The following GALNT13 variants were observed in gnomAD, a reference collection of about 807,000 sequenced individuals.
The protein encoded by GALNT13 is polypeptide N-acetylgalactosaminyltransferase 13, also known as UDP-GalNAc:polypeptide N-acetylgalactosaminyltransferase 13.
Under a neutral mutation model 64.2 loss-of-function variants are expected in GALNT13, and 28 were observed. That is an observed-to-expected ratio of 0.44 (90% confidence interval 0.32 to 0.60). GALNT13 has a LOEUF of 0.60. Among genes scored for constraint, GALNT13 ranks in the 20% least tolerant of loss-of-function variants. The probability of loss-of-function intolerance (pLI) is 0.05; values close to 1 mark genes in which losing one functional copy is unlikely to be tolerated. For missense variants in GALNT13, 577 were observed against 669.8 expected (o/e 0.86, Z 1.53); for synonymous variants, 214 against 224.6 (o/e 0.95, Z 0.42).
the GALNT13 span, among the ~76,000 whole-genome samples, chr2:153,405,394 G>A: frequency 1.3e-5 from 2 of 152,172 alleles, no homozygotes; most frequent in Admixed American, 1.3e-4. Flanking sequence ...ACAAGTGTGT[G>A]TGCCTGTGTA....
Position 154,286,902 on chromosome 2 carries a change from G to A in GALNT13, c.976-14507G>A, listed in dbSNP as rs375315504. 40 of 460,452 alleles carry A rather than the reference G, an allele frequency of 8.7e-5. 1 individual carries two copies. In the East Asian group the frequency reaches 1.2e-3, roughly 14 times the overall value. 28.5% of individuals were successfully genotyped at this position (460,452 alleles called of 1,614,324 possible). On this transcript the variant is annotated intron_variant, in intron 8 of 12. Coordinates refer to ENST00000392825, the MANE Select transcript of GALNT13 (RefSeq NM_052917.4). ...TCTGGCCTGTTGCTAGCCAGTTTGCGCACATCTTCACCAGCATCGGAGAGG... is the reference window on the plus strand; with the variant it reads ...TCTGGCCTGTTGCTAGCCAGTTTGCACACATCTTCACCAGCATCGGAGAGG...
intron 3 of GALNT13, among the ~76,000 whole-genome samples, chr2:153,984,330 T>G (rs570391091): frequency 6.6e-6 from 1 of 151,890 alleles, no homozygotes; most frequent in East Asian, 1.9e-4. Context: ...ATCTTGTACT[T>G]GTATTTGAAA....
the GALNT13 span, among the ~76,000 whole-genome samples, chr2:153,630,985 G>A: frequency 2.0e-5 from 3 of 150,248 alleles, no homozygotes; most frequent in Admixed American, 6.6e-5. Context: ...AACAGGCCCC[G>A]GTGTGCGATG....
the GALNT13 span, among the ~76,000 whole-genome samples, chr2:153,803,555 T>G: frequency 4.5e-4 from 68 of 151,574 alleles, no homozygotes; most frequent in East Asian, 1.4e-3. Flanking sequence ...AGCCGGGCGC[T>G]GTGGCGGGCG....
At chr2:153,354,230 G>A in the GALNT13 span, 1 of 152,192 alleles carries the variant, frequency 6.6e-6, no homozygotes, top group African/African-American at 2.4e-5. Flanking sequence ...TTCAGAAACA[G>A]TTTGACTATC....
At chr2:153,901,686 AT>A (rs1574076024) in intron 2 of GALNT13, among the ~76,000 whole-genome samples, 1 of 152,140 alleles carries the variant, frequency 6.6e-6, no homozygotes, top group East Asian at 1.9e-4. Flanking sequence ...GTAAATGAGT[AT>A]TTTGTGACTG....
At chr2:153,999,430 A>T (rs867941169) in intron 3 of GALNT13, among the ~76,000 whole-genome samples, 1 of 152,168 alleles carries the variant, frequency 6.6e-6, no homozygotes, top group Middle Eastern at 3.4e-3. Flanking sequence ...TTCCCTATTC[A>T]GTATGTTATT....
At chr2:154,338,161 T>C (rs1695559036) in intron 9 of GALNT13, among the ~76,000 whole-genome samples, 1 of 152,150 alleles carries the variant, frequency 6.6e-6, no homozygotes, top group African/African-American at 2.4e-5. Context: ...ACATAATATA[T>C]TTTTAACAGC....
chr2:153,959,915 A>T (rs1692825145), intron 3 of GALNT13, among the ~76,000 whole-genome samples: 1 of 152,152 alleles, frequency 6.6e-6, no homozygotes, highest in Admixed American at 6.5e-5. Flanking sequence ...GTTGGGCCCC[A>T]CACAAAGCAG....
intron 4 of GALNT13, among the ~76,000 whole-genome samples, chr2:154,180,872 T>C (rs550183092): frequency 1.3e-5 from 2 of 152,290 alleles, no homozygotes; most frequent in East Asian, 3.9e-4. Context: ...GAAAATATAG[T>C]TGACCCTTGA....
intron 2 of GALNT13, among the ~76,000 whole-genome samples, chr2:153,937,006 C>T (rs746984262): frequency 1.3e-5 from 2 of 152,066 alleles, no homozygotes; most frequent in Admixed American, 6.6e-5. Context: ...CGTGAGCAAC[C>T]GTGCCTGGCC....
At chr2:153,618,999 AGAG>A in the GALNT13 span, among the ~76,000 whole-genome samples, 1 of 151,828 alleles carries the variant, frequency 6.6e-6, no homozygotes, top group Non-Finnish European at 1.5e-5. Flanking sequence ...TTTTGATTGG[AGAG>A]TTTAGTCCAT....
chr2:153,536,953 A>G, the GALNT13 span, among the ~76,000 whole-genome samples: 1 of 152,246 alleles, frequency 6.6e-6, no homozygotes, highest in Non-Finnish European at 1.5e-5. Context: ...TTTGACACAT[A>G]GTTATGTACA....
intron 3 of GALNT13, among the ~76,000 whole-genome samples, chr2:154,020,144 G>A (rs1376009168): frequency 6.6e-6 from 1 of 152,116 alleles, no homozygotes; most frequent in Non-Finnish European, 1.5e-5. Context: ...ATTGTGAATA[G>A]TGCCGCAATA....
chr2:153,437,709 C>G, the GALNT13 span, among the ~76,000 whole-genome samples: 3 of 149,874 alleles, frequency 2.0e-5, no homozygotes, highest in South Asian at 4.3e-4. Flanking sequence ...TTATTTTGAG[C>G]CTATGTGTGT....
chr2:153,778,422 TC>T, the GALNT13 span, among the ~76,000 whole-genome samples: 1 of 152,150 alleles, frequency 6.6e-6, no homozygotes, highest in African/African-American at 2.4e-5. Flanking sequence ...ACCCAGTACT[TC>T]CCTTCACCCC....
intron 1 of GALNT13, among the ~76,000 whole-genome samples, chr2:153,872,665 A>T (rs1333189185): frequency 7.3e-6 from 1 of 137,736 alleles, no homozygotes; most frequent in South Asian, 2.5e-4. Context: ...CGTTCTGGTG[A>T]CGTTCCTCCG....
chr2:153,287,417 G>C, the GALNT13 span, among the ~76,000 whole-genome samples: 1 of 152,218 alleles, frequency 6.6e-6, no homozygotes. Context: ...AGGGCTTTCT[G>C]TATCCTGGGT....
chr2:153,197,938 T>C, the GALNT13 span, among the ~76,000 whole-genome samples: 1 of 152,192 alleles, frequency 6.6e-6, no homozygotes, highest in Non-Finnish European at 1.5e-5. Context: ...CTTCGGAGCA[T>C]GCACTTGGGC....
Sources: allele counts gnomAD v4.1 joint callset (sites outside exome capture counted in the v4.1 genomes callset), GRCh38; gene constraint gnomAD v4.1.1; transcripts MANE v1.5; gene names NCBI Gene and HGNC (gene_info 2026-07-23, HGNC 2026-07-21).